Variants in GRK3 observed in about 807,000 individuals in gnomAD.
GRK3 encodes G protein-coupled receptor kinase 3.
In GRK3, 54 loss-of-function variants were observed where a neutral mutation model predicts 95.7. That is an observed-to-expected ratio of 0.56 (90% CI 0.45 to 0.71). The LOEUF is 0.71. Among genes scored for constraint, GRK3 ranks in the 30% least tolerant of loss-of-function variants. The pLI is 0.00. For missense variants in GRK3, 649 were observed against 851.2 expected, an observed-to-expected ratio of 0.76 and a Z score of 2.96; for synonymous variants, 281 against 290.8, an observed-to-expected ratio of 0.97 and a Z score of 0.34.
At chr22:25,649,586 G>A (rs1315456364) in intron 3 of GRK3, among the ~76,000 whole-genome samples, 1 of 152,090 alleles carries the variant, frequency 6.6e-6, no homozygotes, top group Non-Finnish European at 1.5e-5. Context: ...ATTATTTATT[G>A]TTATAGATAA....
chr22:25,707,894 C>T (rs935967983), intron 15 of GRK3, among the ~76,000 whole-genome samples: 14 of 151,962 alleles, frequency 9.2e-5, no homozygotes, highest in East Asian at 7.7e-4. Context: ...TCTGGCAGTA[C>T]GTCTATCATC....
At chr22:25,590,327 A>G (rs1451971237) in intron 1 of GRK3, among the ~76,000 whole-genome samples, 1 of 152,008 alleles carries the variant, frequency 6.6e-6, no homozygotes, top group Non-Finnish European at 1.5e-5. Context: ...TTTAAAGAAT[A>G]CTGTTTTACT....
At chr22:25,676,373 T>C (rs1255788008) in intron 8 of GRK3, among the ~76,000 whole-genome samples, 1 of 152,178 alleles carries the variant, frequency 6.6e-6, no homozygotes, top group East Asian at 1.9e-4. Context: ...TTAGAATATC[T>C]AGTCAGACAC....
chr22:25,651,167 C>A (rs2034765142), intron 3 of GRK3, among the ~76,000 whole-genome samples: 1 of 152,136 alleles, frequency 6.6e-6, no homozygotes, highest in African/African-American at 2.4e-5. Context: ...TTTCAAAATA[C>A]AAATTTGAAT....
At chr22:25,647,301 A>G (rs2084792722) in intron 3 of GRK3, 1 of 1,195,636 alleles carries the variant, frequency 8.4e-7, no homozygotes, top group East Asian at 2.4e-5. Context: ...AAGTCCAGCC[A>G]TTAAATACCT....
intron 1 of GRK3, among the ~76,000 whole-genome samples, chr22:25,589,261 G>A (rs1932417578): frequency 6.6e-6 from 1 of 152,268 alleles, no homozygotes; most frequent in Admixed American, 6.5e-5. Flanking sequence ...ATAATGTGAG[G>A]TTATCTAGCA....
intron 1 of GRK3, among the ~76,000 whole-genome samples, chr22:25,595,698 G>A (rs181426624): frequency 9.2e-5 from 14 of 152,250 alleles, no homozygotes; most frequent in Non-Finnish European, 1.5e-5. Context: ...AATAATTCCA[G>A]CCACTTGGGA....
At chr22:25,615,641 G>C (rs372485049) in intron 2 of GRK3, among the ~76,000 whole-genome samples, 9,092 of 143,496 alleles carry the variant, frequency 0.063, 364 homozygotes, top group African/African-American at 0.11. Context: ...TTTCTCCTAA[G>C]CACTGGGGAA....
chr22:25,641,723 G>A (rs2084744480), intron 2 of GRK3, among the ~76,000 whole-genome samples: 1 of 151,906 alleles, frequency 6.6e-6, no homozygotes, highest in African/African-American at 2.4e-5. Context: ...GTGAGGCAGT[G>A]GGAATAGCCG....
At chr22:25,721,636 A>G (rs1043584973) in intron 20 of GRK3, among the ~76,000 whole-genome samples, 4 of 152,250 alleles carry the variant, frequency 2.6e-5, no homozygotes, top group African/African-American at 7.2e-5. Context: ...AAATCTGCTC[A>G]GTATTTAATA....
intron 3 of GRK3, chr22:25,648,750 G>A (rs574809305): frequency 1.8e-6 from 2 of 1,125,390 alleles, no homozygotes; most frequent in African/African-American, 3.0e-5. Flanking sequence ...GATTGCTGAT[G>A]GTATGGCATA....
At chr22:25,647,182 TCC>T in intron 3 of GRK3, 1 of 123,988 alleles carries the variant, frequency 8.1e-6, no homozygotes, top group Non-Finnish European at 1.6e-5. Context: ...GGGCCTCACC[TCC>T]ACCCACCGCC....
rs147881021 is a variant in GRK3 at position 25,634,216 on chromosome 22, A to C, written c.191-10376A>C. On this transcript the variant is annotated intron_variant, in intron 2 of 20. Transcript: ENST00000324198. ...TGTACTAATATTAGGGAAACCTAAC[A>C]CCTGTTTTGTTAATTTGTTCACATG... 1.8e-3 allele frequency among the ~76,000 whole-genome samples: 276 copies of C among 152,314 alleles called. 1 individual carries two copies. The highest frequency in any genetic ancestry group is 6.5e-3 in the African/African-American group (269 of 41,566).
chr22:25,674,278 G>A (rs1486665007), intron 7 of GRK3, among the ~76,000 whole-genome samples, 159 bp from the exon 8 acceptor site: 3 of 152,036 alleles, frequency 2.0e-5, no homozygotes, highest in Non-Finnish European at 4.4e-5. Flanking sequence ...CCACCCCTGG[G>A]GCATCTCATC....
chr22:25,702,014 A>AAAG (rs1364570763), intron 13 of GRK3, among the ~76,000 whole-genome samples: 1 of 152,142 alleles, frequency 6.6e-6, no homozygotes, highest in African/African-American at 2.4e-5. Flanking sequence ...AATAAGGCAA[A>AAAG]AAGAATATTT....
rs1048533632 is a variant in GRK3 at position 25,687,979 on chromosome 22, G to A, written c.957+312G>A. ...AGGCCAGGTGCGGTGGCTCATGCCT[G>A]TAATCCCAGCACTTTGGGAGGCCAA... is the stretch of plus-strand genomic sequence containing the variant. On this transcript the variant is annotated intron_variant, in intron 11 of 20. Coordinates refer to ENST00000324198, the MANE Select transcript of GRK3 (RefSeq NM_005160.4). Among the ~76,000 whole-genome samples the A allele has an allele frequency of 6.6e-5, 10 of 152,304 alleles. No individual in the cohort carries two copies. The East Asian group carries it at 9.6e-4, about 15-fold the overall frequency.
Position 25,727,400 on chromosome 22 carries a change from A to G in GRK3, c.*4950A>G, listed in dbSNP as rs2085483431. 1 of 152,190 alleles carries G rather than the reference A, an allele frequency of 6.6e-6. No homozygotes were observed. Among genetic ancestry groups the G allele is most frequent in the Admixed American group, 6.5e-5 (1 of 15,276 alleles). The allele number at this position is 152,190 out of a possible 1,614,324, so 9.4% of individuals were successfully genotyped here. ...TGAACTTTATATTTTCTTTGTCCTT[A>G]AGGACTAAGATAGTTGTTTTATTTC... On this transcript the variant is annotated 3_prime_UTR_variant, in exon 21 of 21. Transcript: ENST00000324198.
At chr22:25,596,112 A>G (rs2084370716) in intron 1 of GRK3, among the ~76,000 whole-genome samples, 2 of 152,218 alleles carry the variant, frequency 1.3e-5, no homozygotes, top group Admixed American at 1.3e-4. Context: ...AATTGTATGG[A>G]AAAACTGGAA....
chr22:25,708,255 C>T (rs145700342), intron 15 of GRK3, among the ~76,000 whole-genome samples: 56 of 152,082 alleles, frequency 3.7e-4, no homozygotes, highest in Non-Finnish European at 6.8e-4. Context: ...CACCCCTAAG[C>T]GAGAGTCTCG....
Sources: allele counts gnomAD v4.1 joint callset (sites outside exome capture counted in the v4.1 genomes callset), GRCh38; gene constraint gnomAD v4.1.1; transcripts MANE v1.5; gene names NCBI Gene and HGNC (gene_info 2026-07-23, HGNC 2026-07-21).